The following CSGALNACT1 variants were observed in gnomAD, a reference collection of about 807,000 sequenced individuals.
CSGALNACT1 encodes the protein chondroitin sulfate N-acetylgalactosaminyltransferase 1.
CSGALNACT1 carries 52 observed loss-of-function variants against 51.0 expected under a neutral mutation model. That is an observed-to-expected ratio of 1.02 (90% CI 0.82 to 1.29). The LOEUF (loss-of-function observed/expected upper bound fraction) is 1.29, where lower values mean the gene tolerates loss of function less well. Among genes scored for constraint, CSGALNACT1 ranks in the 50% most tolerant of loss-of-function variants. The pLI is 0.00. For missense variants in CSGALNACT1, 935 were observed against 679.2 expected (o/e 1.38, Z -4.19); for synonymous variants, 341 against 254.4 (o/e 1.34, Z -3.24).
intron 4 of CSGALNACT1, among the ~76,000 whole-genome samples, chr8:19,482,443 T>C (rs923494037): frequency 6.6e-6 from 1 of 152,110 alleles, no homozygotes; most frequent in African/African-American, 2.4e-5. Flanking sequence ...GATGATGTTC[T>C]CTCCCCAATC....
At chr8:19,651,679 G>A (rs2057816158) in intron 1 of CSGALNACT1, among the ~76,000 whole-genome samples, 1 of 152,098 alleles carries the variant, frequency 6.6e-6, no homozygotes, top group African/African-American at 2.4e-5. Context: ...GGGCATCTAT[G>A]TTAATTTCAT....
intron 1 of CSGALNACT1, among the ~76,000 whole-genome samples, chr8:19,691,117 A>C (rs1231901227): frequency 2.0e-5 from 3 of 152,154 alleles, no homozygotes; most frequent in African/African-American, 7.2e-5. Flanking sequence ...AACACAAATA[A>C]AACTCTCTGC....
At chr8:19,573,776 T>G (rs1181414397) in intron 3 of CSGALNACT1, among the ~76,000 whole-genome samples, 1 of 152,154 alleles carries the variant, frequency 6.6e-6, no homozygotes, top group Non-Finnish European at 1.5e-5. Context: ...TAGGCTAGTT[T>G]CAGGAAGGGG....
chr8:19,582,612 A>G (rs1051577744), intron 3 of CSGALNACT1, among the ~76,000 whole-genome samples: 6 of 152,204 alleles, frequency 3.9e-5, no homozygotes, highest in Non-Finnish European at 5.9e-5. Flanking sequence ...GTCAAAGCCA[A>G]TGAGAGTCAA....
intron 3 of CSGALNACT1, among the ~76,000 whole-genome samples, chr8:19,576,593 T>C (rs2044274782): frequency 6.6e-6 from 1 of 151,606 alleles, no homozygotes; most frequent in South Asian, 2.1e-4. Flanking sequence ...CCCCAACGAG[T>C]CTTGCTGGCA....
chr8:19,463,698 G>A (rs1199423718), intron 4 of CSGALNACT1, among the ~76,000 whole-genome samples: 1 of 152,184 alleles, frequency 6.6e-6, no homozygotes, highest in Non-Finnish European at 1.5e-5. Context: ...TTTGGAGCTA[G>A]CTTAGATCTT....
At chr8:19,506,689 C>T (rs887001746) in intron 3 of CSGALNACT1, among the ~76,000 whole-genome samples, 1 of 152,152 alleles carries the variant, frequency 6.6e-6, no homozygotes, top group Non-Finnish European at 1.5e-5. Context: ...TCTTAGCTCC[C>T]ATGAGAACTC....
chr8:19,739,723 C>T (rs1278346865), intron 1 of CSGALNACT1, among the ~76,000 whole-genome samples: 1 of 152,158 alleles, frequency 6.6e-6, no homozygotes, highest in African/African-American at 2.4e-5. Flanking sequence ...TCTCTTGCGC[C>T]ATGAGCACGA....
intron 1 of CSGALNACT1, chr8:19,682,402 C>G (rs979342220): frequency 1.5e-5 from 5 of 337,994 alleles, no homozygotes; most frequent in Middle Eastern, 1.0e-3. Context: ...AAAACAGCTC[C>G]CAGCACTCCC....
chr8:19,505,195 G>A lies in CSGALNACT1; in HGVS notation c.634+6C>T, dbSNP rs558797317. On this transcript the variant is annotated splice_donor_region_variant and intron_variant, in intron 4 of 9. Transcript: ENST00000454498. ...CTCCTTTCCCCCCAATTCACAAAAT[G>A]CTAACCTTCTATGAAATCAGAGGCC... 1.9e-6 allele frequency: 3 copies of A among 1,614,076 alleles called. No homozygotes were observed.
intron 1 of CSGALNACT1, among the ~76,000 whole-genome samples, chr8:19,694,359 A>G (rs1181530646): frequency 6.6e-6 from 1 of 152,202 alleles, no homozygotes; most frequent in African/African-American, 2.4e-5. Flanking sequence ...AGAGAGATTT[A>G]CCCTCATTTC....
intron 5 of CSGALNACT1, among the ~76,000 whole-genome samples, chr8:19,447,530 G>T (rs772513545): frequency 6.6e-6 from 1 of 152,156 alleles, no homozygotes; most frequent in African/African-American, 2.4e-5. Context: ...ACTGCTAACA[G>T]TTTAGACCCA....
At chr8:19,470,814 C>T (rs184525477) in intron 4 of CSGALNACT1, among the ~76,000 whole-genome samples, 2 of 152,176 alleles carry the variant, frequency 1.3e-5, no homozygotes, top group East Asian at 1.9e-4. Context: ...GACAAAAATG[C>T]GCTGGACGTG....
At chr8:19,715,268 C>T (rs2062739961) in intron 1 of CSGALNACT1, among the ~76,000 whole-genome samples, 2 of 152,194 alleles carry the variant, frequency 1.3e-5, no homozygotes, top group African/African-American at 2.4e-5. Flanking sequence ...CCTCCCACAA[C>T]ACGTGGGAAT....
intron 1 of CSGALNACT1, among the ~76,000 whole-genome samples, chr8:19,653,250 A>G (rs1389019705): frequency 6.6e-6 from 1 of 152,012 alleles, no homozygotes; most frequent in African/African-American, 2.4e-5. Flanking sequence ...TAGCTTTCTC[A>G]GTTCTCCTAT....
At chr8:19,635,335 A>T (rs954882083) in intron 1 of CSGALNACT1, among the ~76,000 whole-genome samples, 1 of 151,860 alleles carries the variant, frequency 6.6e-6, no homozygotes, top group Non-Finnish European at 1.5e-5. Context: ...CTCAGTGTCT[A>T]CTCTTGCCTA....
At chr8:19,535,480 G>T (rs536069403) in intron 3 of CSGALNACT1, among the ~76,000 whole-genome samples, 7 of 152,298 alleles carry the variant, frequency 4.6e-5, no homozygotes, top group Admixed American at 3.3e-4. Flanking sequence ...TGACTGGAGG[G>T]TTTAGACAAA....
intron 5 of CSGALNACT1, among the ~76,000 whole-genome samples, chr8:19,451,731 T>C (rs1563467868): frequency 6.6e-6 from 1 of 152,212 alleles, no homozygotes; most frequent in East Asian, 1.9e-4. Flanking sequence ...CAAGAAGACA[T>C]ATTTATTGTA....
At chr8:19,737,034 T>C (rs1025083848) in intron 1 of CSGALNACT1, among the ~76,000 whole-genome samples, 2 of 152,152 alleles carry the variant, frequency 1.3e-5, no homozygotes, top group Non-Finnish European at 2.9e-5. Flanking sequence ...AAGGCATGTT[T>C]CTATAAATAT....
Sources: allele counts gnomAD v4.1 joint callset (sites outside exome capture counted in the v4.1 genomes callset), GRCh38; gene constraint gnomAD v4.1.1; transcripts MANE v1.5; gene names NCBI Gene and HGNC (gene_info 2026-07-23, HGNC 2026-07-21).